The following PCDHGA4 variants were observed in gnomAD, a reference collection of about 807,000 sequenced individuals.
PCDHGA4 encodes protocadherin gamma subfamily A, 4, also known as protocadherin gamma-A4.
PCDHGA4 carries 38 observed loss-of-function variants against 54.6 expected under a neutral mutation model. The ratio of observed to expected loss-of-function variants is 0.70; its 90% CI spans 0.54 to 0.91. The LOEUF is 0.91. Among genes scored for constraint, PCDHGA4 ranks in the 40% least tolerant of loss-of-function variants. The pLI, the probability that PCDHGA4 is intolerant of heterozygous loss-of-function variation, is 0.00. For missense variants in PCDHGA4, 1,298 were observed against 1,220.9 expected, an observed-to-expected ratio of 1.06 and a Z score of -0.94; for synonymous variants, 511 against 512.9, an observed-to-expected ratio of 1.00 and a Z score of 0.05.
At chr5:141,407,453 C>G (rs914537742) in intron 1 of PCDHGA4, among the ~76,000 whole-genome samples, 18 of 148,834 alleles carry the variant, frequency 1.2e-4, no homozygotes, top group African/African-American at 4.4e-4. Flanking sequence ...ACACGAGGCT[C>G]ACCAGACAGA....
intron 2 of PCDHGA4, among the ~76,000 whole-genome samples, chr5:141,496,125 T>C (rs1318749514): frequency 6.8e-6 from 1 of 146,032 alleles, no homozygotes; most frequent in Non-Finnish European, 1.5e-5. Context: ...TCCCTGCCCC[T>C]CACACACTGA....
Position 141,355,780 on chromosome 5 carries a change from C to G in PCDHGA4, c.673C>G (p.Leu225Val), listed in dbSNP as rs766045044. 22 of 1,613,712 alleles carry G rather than the reference C, an allele frequency of 1.4e-5. No homozygotes were observed. Among genetic ancestry groups the G allele is most frequent in the Non-Finnish European group, 1.9e-5 (22 of 1,179,802 alleles). Residue 225 changes from leucine to valine, a missense_variant, in exon 1 of 4, where the codon CTG becomes GTG. Leu to Val is a conservative substitution (Grantham distance 32, BLOSUM62 1). Coordinates refer to ENST00000571252, the MANE Select transcript of PCDHGA4 (RefSeq NM_018917.4). ...GGCCGATGGGATTAAGTACCCAGAG[C>G]TGGTGCTGGAACGCGCTCTAGATCG... ...SGADGIKYPELVLERALDREE... is the reference protein window; with the variant it reads ...SGADGIKYPEVVLERALDREE...
chr5:141,385,131 C>A lies in PCDHGA4; in HGVS notation c.2514+27510C>A, dbSNP rs371376308. Reference sequence around the variant, plus strand: ...CCACCTCGCACTTTGTGGGCATGGACGGGGTGCAGGCTTTCCTGCAGACCT... The same window carrying A: ...CCACCTCGCACTTTGTGGGCATGGAAGGGGTGCAGGCTTTCCTGCAGACCT... On this transcript the variant is annotated intron_variant, in intron 1 of 3. Transcript: ENST00000571252. The A allele has an allele frequency of 1.2e-6, 2 of 1,614,200 alleles. No homozygotes were observed. Among genetic ancestry groups the A allele is most frequent in the Non-Finnish European group, 1.7e-6 (2 of 1,180,056 alleles).
chr5:141,387,303 A>C (rs563124332), intron 1 of PCDHGA4, among the ~76,000 whole-genome samples: 1 of 152,334 alleles, frequency 6.6e-6, no homozygotes, highest in East Asian at 1.9e-4. Context: ...TATCCAGTAT[A>C]TTTCTAATGA....
chr5:141,421,467 G>T (rs1436543181), intron 1 of PCDHGA4: 1 of 1,614,132 alleles, frequency 6.2e-7, no homozygotes, highest in South Asian at 1.1e-5. Flanking sequence ...CTGTGAATCC[G>T]CGAAGCGGCA....
At chr5:141,503,474 T>C (rs2099820145) in intron 2 of PCDHGA4, among the ~76,000 whole-genome samples, 1 of 151,828 alleles carries the variant, frequency 6.6e-6, no homozygotes, top group South Asian at 2.1e-4. Context: ...ATGTGTGCAC[T>C]TGTCGTCCCA....
chr5:141,445,252 A>G (rs2098461096), intron 1 of PCDHGA4, among the ~76,000 whole-genome samples: 1 of 152,224 alleles, frequency 6.6e-6, no homozygotes, highest in Non-Finnish European at 1.5e-5. Context: ...ATATTGTGTG[A>G]GAATATAAGT....
chr5:141,429,765 T>C (rs897963458), intron 1 of PCDHGA4, among the ~76,000 whole-genome samples: 1 of 152,230 alleles, frequency 6.6e-6, no homozygotes, highest in East Asian at 1.9e-4. Flanking sequence ...TTTCCCTATA[T>C]TTTGATGGGC....
In PCDHGA4 at chr5:141,454,516, C is replaced by T. The variant is rs375583922; in HGVS notation, c.2515-40291C>T. On this transcript the variant is annotated intron_variant, in intron 1 of 3. Coordinates refer to ENST00000571252, the MANE Select transcript of PCDHGA4 (RefSeq NM_018917.4). Reference sequence around the variant, plus strand: ...CCACCTCCTGGATTCAGGCAGTTCTCCTGCCTCAGCCTCCCAAGTAGCTGA... The same window carrying T: ...CCACCTCCTGGATTCAGGCAGTTCTTCTGCCTCAGCCTCCCAAGTAGCTGA... Among the ~76,000 whole-genome samples the T allele has an allele frequency of 1.2e-4, 18 of 152,288 alleles. No individual in the cohort carries two copies. In the East Asian group the frequency reaches 3.1e-3, roughly 26 times the overall value.
intron 1 of PCDHGA4, among the ~76,000 whole-genome samples, chr5:141,488,394 A>C (rs2099674951): frequency 1.3e-5 from 2 of 152,232 alleles, no homozygotes. Flanking sequence ...TGGTGAAACC[A>C]TGAAACCTAG....
In PCDHGA4 at chr5:141,408,237, G is replaced by C. The variant is rs1445060280; in HGVS notation, c.2514+50616G>C. 3.2e-6 allele frequency: 5 copies of C among 1,575,002 alleles called. No individual in the cohort carries two copies. In the South Asian group the frequency reaches 4.6e-5, roughly 14 times the overall value. On this transcript the variant is annotated intron_variant, in intron 1 of 3. Transcript: ENST00000571252. ...AGCTGCGCGCAGAGGCGCCGGGCCG[G>C]CCCGCGGCAGGTGCTATTTCCTTTG...
Position 141,357,163 on chromosome 5 carries a change from T to TCGGCCA in PCDHGA4, c.2058_2063dup (p.Ala687_Thr688dup). ...CCAGGACCATGGCCAGCCCCCTCTC[T>TCGGCCA]CGGCCACCGTCACACTCACTGTGGC... On this transcript the variant is annotated inframe_insertion, in exon 1 of 4. Transcript: ENST00000571252. The TCGGCCA allele has an allele frequency of 6.2e-7, 1 of 1,613,606 alleles. No homozygotes were observed. The highest frequency in any genetic ancestry group is 8.5e-7 in the Non-Finnish European group (1 of 1,179,864).
chr5:141,381,826 C>CTTTTTTTTTTTTTT (rs770630741), intron 1 of PCDHGA4, among the ~76,000 whole-genome samples: 11 of 74,282 alleles, frequency 1.5e-4, no homozygotes, highest in Non-Finnish European at 1.7e-4. Context: ...CTTTCTTCTT[C>CTTTTTTTTTTTTTT]TTTTTTTTTT....
At chr5:141,383,704 C>A in intron 1 of PCDHGA4, 1 of 1,613,980 alleles carries the variant, frequency 6.2e-7, no homozygotes, top group South Asian at 1.1e-5. Flanking sequence ...TGCTATCGAC[C>A]TGGACGAGGG....
chr5:141,389,742 C>T (rs1477462199), intron 1 of PCDHGA4: 2 of 1,612,602 alleles, frequency 1.2e-6, no homozygotes, highest in Non-Finnish European at 1.7e-6. Context: ...CCTGGGGCTG[C>T]GCACGGGCGA....
chr5:141,435,990 T>C (rs1175877769), intron 1 of PCDHGA4, among the ~76,000 whole-genome samples: 1 of 152,162 alleles, frequency 6.6e-6, no homozygotes, highest in Non-Finnish European at 1.5e-5. Flanking sequence ...TTGTGTGATT[T>C]TTTGAAAGAA....
chr5:141,431,408 G>A lies in PCDHGA4; in HGVS notation c.2515-63399G>A. ...CCACCTGGTCCTTACGGCCTCCGAC[G>A]GGGGCGACCCGGTGCGCACAGGCAC... On this transcript the variant is annotated intron_variant, in intron 1 of 3. Transcript: ENST00000571252. The surrounding 1 kb of genome is among the most constrained non-coding windows in gnomAD (Gnocchi z 4.8). 6.2e-7 allele frequency: 1 copy of A among 1,613,718 alleles called. No individual in the cohort carries two copies. The highest frequency in any genetic ancestry group is 2.2e-5 in the East Asian group (1 of 44,882).
intron 1 of PCDHGA4, chr5:141,384,001 CT>C (rs752837795): frequency 6.2e-7 from 1 of 1,613,828 alleles, no homozygotes; most frequent in South Asian, 1.1e-5. Context: ...AGTCATTGCT[CT>C]TTTCTACCTA....
At chr5:141,415,083 G>T (rs747351388) in intron 1 of PCDHGA4, 1 of 1,613,514 alleles carries the variant, frequency 6.2e-7, no homozygotes. Context: ...CGCGAGCCCT[G>T]CTGGACAGAG....
Sources: gnomAD v4.1 joint callset for allele counts (sites outside exome capture counted in the v4.1 genomes callset) on GRCh38, gnomAD v4.1.1 for gene constraint, Gnocchi (gnomAD v3.1) non-coding constraint, MANE v1.5 for transcripts, NCBI Gene and HGNC (gene_info 2026-07-23, HGNC 2026-07-21) for gene names.